Variants in HNRNPH1 observed in about 807,000 individuals in gnomAD.
HNRNPH1 encodes heterogeneous nuclear ribonucleoprotein H.
A neutral mutation model predicts 58.6 loss-of-function variants in HNRNPH1; 4 were observed. That is an observed-to-expected ratio of 0.07 (90% confidence interval 0.03 to 0.16). The LOEUF is 0.16. Ranked by LOEUF, HNRNPH1 falls within the 10% of genes least tolerant of loss-of-function variation. The probability of loss-of-function intolerance (pLI) is 1.00; values close to 1 mark genes in which losing one functional copy is unlikely to be tolerated. For missense variants in HNRNPH1, 271 were observed against 564.2 expected (o/e 0.48, Z 5.26); for synonymous variants, 192 against 189.2 (o/e 1.01, Z -0.12).
intron 2 of HNRNPH1, among the ~76,000 whole-genome samples, chr5:179,632,186 T>C (rs1774893378): frequency 6.6e-6 from 1 of 151,974 alleles, no homozygotes; most frequent in Non-Finnish European, 1.5e-5. Flanking sequence ...CGGGTGCCTG[T>C]AGTCCCAGCT....
At chr5:179,620,747 T>TGAA (rs1245562052) in intron 3 of HNRNPH1, 145 bp downstream of exon 4, 1 of 667,618 alleles carries the variant, frequency 1.5e-6, no homozygotes, top group Admixed American at 3.0e-5. Context: ...TTAAATTATT[T>TGAA]GAAGGTCTCT....
chr5:179,621,504 T>TAGTG, intron 1 of HNRNPH1, 107 bp from the exon 3 acceptor site: 7 of 944,902 alleles, frequency 7.4e-6, no homozygotes, highest in Non-Finnish European at 1.1e-5. Context: ...ACATAACTTG[T>TAGTG]GAAGCCTATA....
intron 10 of HNRNPH1, 24 bp downstream of exon 11, chr5:179,616,845 T>G (rs772930405): frequency 1.9e-6 from 3 of 1,602,070 alleles, no homozygotes; most frequent in South Asian, 1.1e-5. Flanking sequence ...CGTTTTGGTT[T>G]TTAAAAAAAC....
intron 2 of HNRNPH1, among the ~76,000 whole-genome samples, chr5:179,633,672 T>C (rs1029723089): frequency 6.6e-6 from 1 of 151,996 alleles, no homozygotes; most frequent in African/African-American, 2.4e-5. Flanking sequence ...ATTAGCACTT[T>C]GGGAGGCCGA....
upstream of HNRNPH1, among the ~76,000 whole-genome samples, chr5:179,628,650 AATG>A (rs1774570519): frequency 6.6e-6 from 1 of 152,158 alleles, no homozygotes; most frequent in African/African-American, 2.4e-5. Context: ...TTTTAAAACC[AATG>A]ATATCAGCTG....
At chr5:179,627,042 A>G (rs1380191478), upstream of HNRNPH1, among the ~76,000 whole-genome samples, 5 of 151,962 alleles carry the variant, frequency 3.3e-5, no homozygotes, top group South Asian at 8.3e-4. Context: ...CGGGCTCCCA[A>G]AGTGCTGGGA....
In HNRNPH1 at chr5:179,617,566, G is replaced by A. The variant is rs757132093; in HGVS notation, c.1005C>T (p.Phe335=). Reference sequence around the variant, plus strand: ...CTGCCACAGCATCTTCATGAGTTGCGAACTCGACATCTGCTTCACCAGTTA... The same window carrying A: ...CTGCCACAGCATCTTCATGAGTTGCAAACTCGACATCTGCTTCACCAGTTA... The change falls in exon 8 of 13, where the codon TTC becomes TTT. Residue 335 remains phenylalanine, a synonymous_variant. Coordinates refer to ENST00000356731, the Ensembl canonical transcript of HNRNPH1. The A allele has an allele frequency of 2.5e-5, 41 of 1,613,762 alleles. No homozygotes were observed. The South Asian group carries it at 2.6e-4, about 10-fold the overall frequency.
In HNRNPH1 at chr5:179,614,900, C is replaced by T. The variant is rs558369023; in HGVS notation, c.*60G>A. ...CTAGACAACCCTCCCATTCCGTTCA[C>T]GCCCATAGATGCACGGCTTCCACTA... is the stretch of plus-strand genomic sequence containing the variant. On this transcript the variant is annotated 3_prime_UTR_variant, in exon 13 of 13. Transcript: ENST00000356731. 2.3e-5 allele frequency: 36 copies of T among 1,550,168 alleles called. No homozygotes were observed. The East Asian group carries it at 5.9e-4, about 25-fold the overall frequency.
chr5:179,627,410 C>T (rs1180268288), upstream of HNRNPH1, among the ~76,000 whole-genome samples: 2 of 151,112 alleles, frequency 1.3e-5, no homozygotes, highest in African/African-American at 2.4e-5. Context: ...CCAGGCTAGT[C>T]TTGAATTCCT....
At chr5:179,616,043 G>T in intron 11 of HNRNPH1, 83 bp downstream of exon 12, 1 of 1,209,380 alleles carries the variant, frequency 8.3e-7, no homozygotes, top group Non-Finnish European at 1.2e-6. Flanking sequence ...ACAGTAACAG[G>T]CTTTACCATA....
chr5:179,614,866 C>T (rs1363816467), exon 13 of HNRNPH1: 194 of 1,516,566 alleles, frequency 1.3e-4, no homozygotes, highest in Middle Eastern at 1.7e-4. Flanking sequence ...ACCACTCATA[C>T]TGGACATGCT....
chr5:179,616,272 G>A, intron 10 of HNRNPH1, 54 bp from the exon 12 acceptor site: 1 of 1,306,440 alleles, frequency 7.7e-7, no homozygotes, highest in Non-Finnish European at 1.1e-6. Flanking sequence ...GTGGTACCTG[G>A]TGGTACCGGG....
At chr5:179,630,566 C>T (rs1299391487) in intron 2 of HNRNPH1, among the ~76,000 whole-genome samples, 1 of 152,034 alleles carries the variant, frequency 6.6e-6, no homozygotes, top group Non-Finnish European at 1.5e-5. Flanking sequence ...GTACATTGTG[C>T]TTGGAGTGTA....
At chr5:179,616,381 T>TC in intron 10 of HNRNPH1, 163 bp from the exon 12 acceptor site, 1 of 631,420 alleles carries the variant, frequency 1.6e-6, no homozygotes, top group Admixed American at 2.5e-5. Flanking sequence ...CACCCTTCTA[T>TC]CCATCATTTG....
chr5:179,622,246 CG>C (rs1323042365), intron 1 of HNRNPH1, among the ~76,000 whole-genome samples: 1 of 152,136 alleles, frequency 6.6e-6, no homozygotes, highest in African/African-American at 2.4e-5. Flanking sequence ...GAAATTAAGA[CG>C]TGACATTTTA....
intron 1 of HNRNPH1, 160 bp downstream of exon 2, chr5:179,622,877 G>A (rs1309086549): frequency 6.4e-6 from 1 of 155,446 alleles, no homozygotes; most frequent in Non-Finnish European, 1.4e-5. Context: ...GCAGCACAGC[G>A]GTGAGTGTAG....
chr5:179,615,401 AC>A, intron 12 of HNRNPH1, 144 bp downstream of exon 13: 1 of 526,238 alleles, frequency 1.9e-6, no homozygotes. Flanking sequence ...AAGTGAGACA[AC>A]CAAGCTGGAC....
chr5:179,619,596 C>A, intron 3 of HNRNPH1, 189 bp from the exon 5 acceptor site: 2 of 507,384 alleles, frequency 3.9e-6, no homozygotes, highest in Non-Finnish European at 7.0e-6. Context: ...TATAACTATT[C>A]TTAACACACC....
intron 1 of HNRNPH1, among the ~76,000 whole-genome samples, chr5:179,622,613 A>C (rs1773040287): frequency 1.3e-5 from 2 of 152,210 alleles, no homozygotes; most frequent in African/African-American, 4.8e-5. Flanking sequence ...CGGGAGACTG[A>C]GGCAGGAGAA....
Sources: gnomAD v4.1 joint callset for allele counts (sites outside exome capture counted in the v4.1 genomes callset) on GRCh38, gnomAD v4.1.1 for gene constraint, MANE v1.5 for transcripts, NCBI Gene and HGNC (gene_info 2026-07-23, HGNC 2026-07-21) for gene names.